CCDC141: variants seen among roughly 807,000 people sequenced by gnomAD.
CCDC141 encodes coiled-coil domain-containing protein 141.
In CCDC141, 168 loss-of-function variants were observed where a neutral mutation model predicts 181.0. That is an observed-to-expected ratio of 0.93 (90% CI 0.82 to 1.05). The LOEUF is 1.05. CCDC141 is among the 50% of genes least tolerant of loss of function. The pLI is 0.00. For missense variants in CCDC141, 1,902 were observed against 1,788.5 expected (o/e 1.06, Z -1.14); for synonymous variants, 666 against 642.3 (o/e 1.04, Z -0.56).
chr2:178,981,224 G>C (rs896609556), intron 2 of CCDC141, among the ~76,000 whole-genome samples: 2 of 152,056 alleles, frequency 1.3e-5, no homozygotes, highest in Non-Finnish European at 2.9e-5. Context: ...TAGATGAACT[G>C]AACAGCACTA....
At chr2:178,839,938 C>A (rs1035962870) in intron 22 of CCDC141, among the ~76,000 whole-genome samples, 1 of 152,194 alleles carries the variant, frequency 6.6e-6, no homozygotes, top group African/African-American at 2.4e-5. Flanking sequence ...TAAGAATCTC[C>A]ACTACAACAT....
intron 6 of CCDC141, among the ~76,000 whole-genome samples, chr2:178,935,148 G>A (rs893448874): frequency 6.6e-6 from 1 of 151,914 alleles, no homozygotes; most frequent in Non-Finnish European, 1.5e-5. Context: ...TTTATGTTCA[G>A]GGATACAGTG....
chr2:178,957,267 G>A (rs1485859630), intron 5 of CCDC141, among the ~76,000 whole-genome samples: 3 of 152,298 alleles, frequency 2.0e-5, no homozygotes, highest in African/African-American at 7.2e-5. Flanking sequence ...TATGCACTGT[G>A]CTACATGTTT....
the CCDC141 span, among the ~76,000 whole-genome samples, chr2:178,820,658 GA>G: frequency 2.0e-5 from 3 of 152,070 alleles, no homozygotes; most frequent in East Asian, 5.8e-4. Context: ...TGAAATGAAA[GA>G]ATTTTTTTAA....
At chr2:178,905,129 A>T (rs1230816349) in intron 8 of CCDC141, among the ~76,000 whole-genome samples, 200 bp downstream of exon 8, 1 of 152,208 alleles carries the variant, frequency 6.6e-6, no homozygotes, top group East Asian at 1.9e-4. Context: ...CTCCAGGCTC[A>T]GAATATGGCC....
At chr2:179,032,562 C>T (rs575998207) in intron 2 of CCDC141, among the ~76,000 whole-genome samples, 5 of 152,216 alleles carry the variant, frequency 3.3e-5, no homozygotes, top group Admixed American at 6.5e-5. Context: ...TGAATTCAAC[C>T]GGGAAATACC....
At chr2:178,882,478 T>C (rs1686670091) in intron 11 of CCDC141, among the ~76,000 whole-genome samples, 1 of 152,200 alleles carries the variant, frequency 6.6e-6, no homozygotes, top group Non-Finnish European at 1.5e-5. Context: ...TAATCACAGA[T>C]TTGTGCTGAA....
chr2:179,026,964 C>A (rs1361737790), intron 2 of CCDC141, among the ~76,000 whole-genome samples: 7 of 152,236 alleles, frequency 4.6e-5, no homozygotes, highest in African/African-American at 1.7e-4. Context: ...TGTATTTGCC[C>A]AATGCCTGTA....
chr2:178,890,905 T>A (rs1411334266), intron 8 of CCDC141, among the ~76,000 whole-genome samples: 1 of 152,174 alleles, frequency 6.6e-6, no homozygotes, highest in East Asian at 1.9e-4. Context: ...TTAAGTGCAT[T>A]AGATGCATTA....
intron 2 of CCDC141, among the ~76,000 whole-genome samples, chr2:179,015,087 T>TA (rs1428335717): frequency 1.1e-4 from 5 of 46,310 alleles, no homozygotes; most frequent in African/African-American, 3.4e-4. Context: ...TATATATATA[T>TA]ATATATATAT....
intron 11 of CCDC141, among the ~76,000 whole-genome samples, chr2:178,878,371 G>A (rs892217710): frequency 6.6e-6 from 1 of 150,882 alleles, no homozygotes; most frequent in Non-Finnish European, 1.5e-5. Flanking sequence ...CCACCATAGC[G>A]CACTGCAGCC....
Position 178,871,462 on chromosome 2 carries a change from G to A in CCDC141, c.2170C>T (p.Arg724Ter), listed in dbSNP as rs367700441. 6.1e-5 allele frequency: 98 copies of A among 1,612,496 alleles called. No individual in the cohort carries two copies. In the Middle Eastern group the frequency reaches 6.6e-4, roughly 11 times the overall value. ...GGSLQFILDL[R>*]QKWNDMKPQF... Reference sequence around the variant, plus strand: ...GGCTTCATGTCATTCCATTTTTGTCGTAGATCTAAAATGAACTGGAGGCTC... The same window carrying A: ...GGCTTCATGTCATTCCATTTTTGTCATAGATCTAAAATGAACTGGAGGCTC... The change falls in exon 14 of 24, where the codon CGA (arginine) becomes TGA (stop). Residue 724 changes from arginine to a stop codon, truncating the protein, a stop_gained. Coordinates refer to ENST00000443758, the MANE Select transcript of CCDC141 (RefSeq NM_173648.4). LOFTEE classifies it high-confidence loss of function.
At chr2:178,921,802 T>G (rs952210003) in intron 6 of CCDC141, among the ~76,000 whole-genome samples, 1 of 152,236 alleles carries the variant, frequency 6.6e-6, no homozygotes, top group South Asian at 2.1e-4. Context: ...TCTGTTTCGT[T>G]CTTTGTTTTG....
At chr2:178,839,016 C>T (rs892927649) in intron 22 of CCDC141, among the ~76,000 whole-genome samples, 1 of 152,168 alleles carries the variant, frequency 6.6e-6, no homozygotes, top group African/African-American at 2.4e-5. Context: ...TGGTTTTTGT[C>T]CTGCAGTAAC....
In CCDC141 at chr2:178,831,350, T is replaced by A. The variant is rs1684241959; in HGVS notation, c.*2823A>T. 1 of 152,198 alleles carries A rather than the reference T, an allele frequency of 6.6e-6. No homozygotes were observed. The highest frequency in any genetic ancestry group is 1.5e-5 in the Non-Finnish European group (1 of 68,034). 9.4% of individuals were successfully genotyped at this position (152,198 alleles called of 1,614,324 possible). ...AAAGTATCAAGTATTTATAATTTGT[T>A]TAAGAGTTTAGAAGTTTTAAAACGT... On this transcript the variant is annotated 3_prime_UTR_variant, in exon 24 of 24. Transcript: ENST00000443758.
intron 4 of CCDC141, among the ~76,000 whole-genome samples, chr2:178,965,275 C>A (rs1424175535): frequency 1.3e-5 from 2 of 152,132 alleles, no homozygotes; most frequent in African/African-American, 4.8e-5. Flanking sequence ...TGTAATGGGC[C>A]ACCAGGAATG....
Position 178,860,913 on chromosome 2 carries a change from C to A in CCDC141, c.2725-4516G>T, listed in dbSNP as rs796544683. 1.2e-4 allele frequency among the ~76,000 whole-genome samples: 19 copies of A among 152,220 alleles called. 1 individual carries two copies. The highest frequency in any genetic ancestry group is 4.6e-4 in the African/African-American group (19 of 41,528). Reference sequence around the variant, plus strand: ...AAGTTTTGTTTTCTGAACATGATAACCATAATTTTAAACTTCAGCTCTGTT... The same window carrying A: ...AAGTTTTGTTTTCTGAACATGATAAACATAATTTTAAACTTCAGCTCTGTT... On this transcript the variant is annotated intron_variant, in intron 17 of 23. Transcript: ENST00000443758.
Position 178,834,041 on chromosome 2 carries a change from A to G in CCDC141, c.*132T>C, listed in dbSNP as rs1010655018. 3.3e-6 allele frequency: 3 copies of G among 902,766 alleles called. No homozygotes were observed. The highest frequency in any genetic ancestry group is 4.9e-6 in the Non-Finnish European group (3 of 608,516). The allele number at this position is 902,766 out of a possible 1,614,324, so 55.9% of individuals were successfully genotyped here. On this transcript the variant is annotated 3_prime_UTR_variant, in exon 24 of 24. Transcript: ENST00000443758. ...GATTATTTCACCTAGCAGTGGTATT[A>G]GCCAAACAAGTATGGTGATCAGACT...
chr2:179,004,000 C>A (rs565479069), intron 2 of CCDC141, among the ~76,000 whole-genome samples: 1 of 152,112 alleles, frequency 6.6e-6, no homozygotes, highest in African/African-American at 2.4e-5. Flanking sequence ...GTGGAGGGTA[C>A]AAACATCTAC....
Sources: gnomAD v4.1 joint callset for allele counts (sites outside exome capture counted in the v4.1 genomes callset) on GRCh38, gnomAD v4.1.1 for gene constraint, MANE v1.5 for transcripts, NCBI Gene and HGNC (gene_info 2026-07-23, HGNC 2026-07-21) for gene names.